The following ADGRB3 variants were observed in gnomAD, a reference collection of about 807,000 sequenced individuals.
The protein encoded by ADGRB3 is adhesion G protein-coupled receptor B3, also known as brain-specific angiogenesis inhibitor 3.
A neutral mutation model predicts 193.4 loss-of-function variants in ADGRB3; 37 were observed. That is an observed-to-expected ratio of 0.19 (90% CI 0.15 to 0.25). ADGRB3 has a LOEUF of 0.25. ADGRB3 is among the 10% of genes least tolerant of loss of function. The pLI is 1.00. For synonymous variants in ADGRB3, 690 were observed against 644.2 expected, an observed-to-expected ratio of 1.07 and a Z score of -1.08; for missense variants, 1,637 against 1,852.9, an observed-to-expected ratio of 0.88 and a Z score of 2.14.
At chr6:69,062,151 T>A (rs983575341) in intron 15 of ADGRB3, among the ~76,000 whole-genome samples, 1 of 151,998 alleles carries the variant, frequency 6.6e-6, no homozygotes, top group Non-Finnish European at 1.5e-5. Flanking sequence ...TTAAATCATC[T>A]TTAAATCTCT....
At chr6:69,003,165 G>A (rs13191563) in intron 11 of ADGRB3, among the ~76,000 whole-genome samples, 32,048 of 151,986 alleles carry the variant, frequency 0.21, 3,536 homozygotes, top group Middle Eastern at 0.26. Flanking sequence ...CTCAAGAAAT[G>A]TGGCTATTAT....
intron 20 of ADGRB3, among the ~76,000 whole-genome samples, chr6:69,275,045 A>G (rs1163068768): frequency 6.6e-6 from 1 of 152,158 alleles, no homozygotes; most frequent in East Asian, 1.9e-4. Context: ...CCAAGGAAAG[A>G]TAGAACAGAA....
intron 8 of ADGRB3, among the ~76,000 whole-genome samples, chr6:68,969,918 T>C (rs138911773): frequency 1.9e-3 from 293 of 152,344 alleles, no homozygotes; most frequent in Middle Eastern, 0.01. Flanking sequence ...AACCCTTCAA[T>C]GGCTGCCCAT....
chr6:68,849,423 A>G (rs1768352623), intron 3 of ADGRB3, among the ~76,000 whole-genome samples: 1 of 152,024 alleles, frequency 6.6e-6, no homozygotes, highest in Non-Finnish European at 1.5e-5. Context: ...AATAAAATGC[A>G]TGCACATAAG....
intron 3 of ADGRB3, among the ~76,000 whole-genome samples, chr6:68,888,433 A>G (rs1477151111): frequency 1.3e-5 from 2 of 152,084 alleles, no homozygotes; most frequent in Non-Finnish European, 2.9e-5. Flanking sequence ...ATTTGATCAT[A>G]TAGACTTGAA....
At chr6:69,053,093 G>A (rs1771446774) in intron 15 of ADGRB3, among the ~76,000 whole-genome samples, 1 of 152,140 alleles carries the variant, frequency 6.6e-6, no homozygotes, top group Non-Finnish European at 1.5e-5. Context: ...GGCTTAGGTG[G>A]TAGAATCACT....
At chr6:68,661,768 T>C (rs1768668185) in intron 3 of ADGRB3, among the ~76,000 whole-genome samples, 1 of 150,612 alleles carries the variant, frequency 6.6e-6, no homozygotes, top group South Asian at 2.1e-4. Flanking sequence ...CAAATAGTTA[T>C]CATGAAGGAG....
chr6:68,903,387 AC>A (rs1166628780), intron 3 of ADGRB3, among the ~76,000 whole-genome samples: 1 of 152,238 alleles, frequency 6.6e-6, no homozygotes, highest in African/African-American at 2.4e-5. Context: ...GAAAAAGATT[AC>A]AAATTTAGTG....
At chr6:69,195,113 T>G (rs1765269080) in intron 17 of ADGRB3, among the ~76,000 whole-genome samples, 1 of 152,132 alleles carries the variant, frequency 6.6e-6, no homozygotes, top group South Asian at 2.1e-4. Flanking sequence ...GCTACTTCAC[T>G]TATCCACTTG....
At chr6:69,056,661 G>T (rs1771553475) in intron 15 of ADGRB3, among the ~76,000 whole-genome samples, 1 of 152,016 alleles carries the variant, frequency 6.6e-6, no homozygotes, top group South Asian at 2.1e-4. Flanking sequence ...GTAGGCACAT[G>T]GATATCCAGT....
chr6:69,057,364 A>T (rs577282132), intron 15 of ADGRB3, among the ~76,000 whole-genome samples: 92 of 152,088 alleles, frequency 6.0e-4, no homozygotes, highest in Middle Eastern at 3.4e-3. Flanking sequence ...AGGTAATTTT[A>T]CCTCTTCCTT....
chr6:68,768,799 A>G (rs962745198), intron 3 of ADGRB3, among the ~76,000 whole-genome samples: 32 of 152,120 alleles, frequency 2.1e-4, no homozygotes, highest in African/African-American at 7.2e-4. Context: ...CCATCTGACA[A>G]AGGGCTAATG....
At position 69,264,503 on chromosome 6, in the gene ADGRB3, T is replaced by G. The variant is rs539982501; in HGVS notation, c.2814+25277T>G. On this transcript the variant is annotated intron_variant, in intron 20 of 31. Coordinates refer to ENST00000370598, the MANE Select transcript of ADGRB3 (RefSeq NM_001704.3). The stretch of plus-strand genomic sequence containing the variant: ...TCTTTCCCACTAGACAGGCATGTCT[T>G]TCTCATCTCCTTTTTTTTTTATTTA... Among the ~76,000 whole-genome samples, 10 of 151,956 alleles carry G rather than the reference T, an allele frequency of 6.6e-5. No homozygotes were observed. The South Asian group carries it at 2.1e-3, about 31-fold the overall frequency.
At chr6:69,236,683 C>T (rs973357513) in intron 19 of ADGRB3, among the ~76,000 whole-genome samples, 1 of 152,058 alleles carries the variant, frequency 6.6e-6, no homozygotes, top group Non-Finnish European at 1.5e-5. Context: ...ACCAATTCCA[C>T]CTTCTCTTTA....
intron 15 of ADGRB3, among the ~76,000 whole-genome samples, chr6:69,050,218 G>T (rs1218494354): frequency 6.6e-6 from 1 of 151,440 alleles, no homozygotes; most frequent in African/African-American, 2.4e-5. Flanking sequence ...TTAGAGTTCA[G>T]TGCAGATGAA....
At chr6:69,269,747 T>C (rs1767132144) in intron 20 of ADGRB3, among the ~76,000 whole-genome samples, 1 of 152,144 alleles carries the variant, frequency 6.6e-6, no homozygotes, top group South Asian at 2.1e-4. Flanking sequence ...TACCATATGG[T>C]TTATTTAGTT....
intron 17 of ADGRB3, among the ~76,000 whole-genome samples, chr6:69,173,145 C>G (rs889260979): frequency 2.0e-5 from 3 of 152,344 alleles, no homozygotes; most frequent in South Asian, 4.1e-4. Context: ...TCAAGTGATT[C>G]TCCTGCCTCA....
chr6:68,840,357 G>T (rs938409705), intron 3 of ADGRB3, among the ~76,000 whole-genome samples: 1 of 139,810 alleles, frequency 7.2e-6, no homozygotes, highest in Non-Finnish European at 1.5e-5. Context: ...GTGGAGTAAG[G>T]CACTGGGCAG....
At chr6:69,369,656 C>T (rs1188663004) in intron 29 of ADGRB3, among the ~76,000 whole-genome samples, 1 of 150,426 alleles carries the variant, frequency 6.6e-6, no homozygotes, top group Non-Finnish European at 1.5e-5. Context: ...TGTGATCATG[C>T]CACTGAACCC....
Sources: gnomAD v4.1 joint callset for allele counts (sites outside exome capture counted in the v4.1 genomes callset) on GRCh38, gnomAD v4.1.1 for gene constraint, MANE v1.5 for transcripts, NCBI Gene and HGNC (gene_info 2026-07-23, HGNC 2026-07-21) for gene names.